Variants in PCDH9 observed in about 807,000 individuals in gnomAD.
PCDH9 encodes protocadherin-9.
In PCDH9, 24 loss-of-function variants were observed where a neutral mutation model predicts 70.6. The observed-to-expected ratio is 0.34, with a 90% CI of 0.25 to 0.48. The LOEUF is 0.48. Among genes scored for constraint, PCDH9 ranks in the 20% least tolerant of loss-of-function variants. The probability of loss-of-function intolerance (pLI) is 0.99; values close to 1 mark genes in which losing one functional copy is unlikely to be tolerated. For synonymous variants in PCDH9, 562 were observed against 558.5 expected, an observed-to-expected ratio of 1.01 and a Z score of -0.09; for missense variants, 1,281 against 1,503.6, an observed-to-expected ratio of 0.85 and a Z score of 2.45.
At chr13:67,004,433 T>C (rs2084307813) in intron 2 of PCDH9, among the ~76,000 whole-genome samples, 1 of 151,554 alleles carries the variant, frequency 6.6e-6, no homozygotes, top group Admixed American at 6.6e-5. Context: ...TAGCCAGGCA[T>C]GGTTGTGGGC....
At position 66,305,065 on chromosome 13, in the gene PCDH9, G is replaced by T. The variant is rs200879117; in HGVS notation, c.3341-37C>A. ...AAGAGAGAGAAAATAAGAAAAGGAA[G>T]TGGTTAAAATTTTCAATTAGAATTA... On this transcript the variant is annotated intron_variant, in intron 4 of 4. Transcript: ENST00000377865. The T allele has an allele frequency of 3.1e-5, 48 of 1,531,436 alleles. No individual in the cohort carries two copies. In the East Asian group the frequency reaches 1.1e-3, roughly 34 times the overall value. 94.9% of individuals were successfully genotyped at this position (1,531,436 alleles called of 1,614,324 possible).
chr13:66,690,246 C>T (rs990763461), intron 3 of PCDH9, among the ~76,000 whole-genome samples: 11 of 151,984 alleles, frequency 7.2e-5, no homozygotes, highest in African/African-American at 2.7e-4. Flanking sequence ...AGTTCATCAT[C>T]ACGATATAGC....
intron 2 of PCDH9, among the ~76,000 whole-genome samples, chr13:66,945,068 T>C (rs1236411495): frequency 6.6e-6 from 1 of 151,972 alleles, no homozygotes; most frequent in Non-Finnish European, 1.5e-5. Context: ...ACTGCAGACA[T>C]AGAAGTAGCT....
chr13:66,652,950 G>A (rs999430466), intron 3 of PCDH9, among the ~76,000 whole-genome samples: 1 of 152,084 alleles, frequency 6.6e-6, no homozygotes, highest in Admixed American at 6.5e-5. Flanking sequence ...ACATGCAGAA[G>A]AATGAAACTA....
intron 4 of PCDH9, among the ~76,000 whole-genome samples, chr13:66,578,510 G>C (rs751884008): frequency 6.6e-6 from 1 of 152,012 alleles, no homozygotes; most frequent in Non-Finnish European, 1.5e-5. Context: ...AGTGGGTGTA[G>C]TTTGACTCAT....
At chr13:66,499,521 A>G (rs117015133) in intron 4 of PCDH9, among the ~76,000 whole-genome samples, 1,551 of 152,292 alleles carry the variant, frequency 0.01, 36 homozygotes, top group East Asian at 0.091. Context: ...GATGGAGACA[A>G]TGCTGTTGGA....
At chr13:67,090,621 C>A (rs955825349) in intron 2 of PCDH9, among the ~76,000 whole-genome samples, 1 of 151,356 alleles carries the variant, frequency 6.6e-6, no homozygotes, top group African/African-American at 2.4e-5. Flanking sequence ...CAATTACCAG[C>A]TACAAGCAAA....
chr13:66,682,174 C>T (rs1315196747), intron 3 of PCDH9, among the ~76,000 whole-genome samples: 2 of 151,758 alleles, frequency 1.3e-5, no homozygotes, highest in African/African-American at 4.8e-5. Context: ...TTGTTTTTCC[C>T]CAATCATCCC....
intron 3 of PCDH9, among the ~76,000 whole-genome samples, chr13:66,721,473 T>C (rs1351357274): frequency 6.6e-6 from 1 of 152,184 alleles, no homozygotes; most frequent in Non-Finnish European, 1.5e-5. Context: ...ACGTGCAATA[T>C]GCTTTGAAAG....
intron 2 of PCDH9, among the ~76,000 whole-genome samples, chr13:67,082,217 A>C (rs2085999837): frequency 1.3e-5 from 2 of 152,138 alleles, no homozygotes; most frequent in South Asian, 4.1e-4. Flanking sequence ...CATAACTGAA[A>C]ATTTGTATCC....
chr13:66,623,160 G>T (rs1354053970), intron 4 of PCDH9, among the ~76,000 whole-genome samples: 1 of 152,242 alleles, frequency 6.6e-6, no homozygotes, highest in African/African-American at 2.4e-5. Context: ...CTTCATTCTT[G>T]AAGTCAGTCA....
chr13:67,177,466 C>T (rs951416410), intron 2 of PCDH9, among the ~76,000 whole-genome samples: 11 of 152,062 alleles, frequency 7.2e-5, no homozygotes, highest in Non-Finnish European at 1.6e-4. Context: ...ATTTATCAGC[C>T]TTTACTTTAC....
At chr13:66,428,363 A>C (rs1957710422) in intron 4 of PCDH9, among the ~76,000 whole-genome samples, 1 of 151,706 alleles carries the variant, frequency 6.6e-6, no homozygotes, top group Non-Finnish European at 1.5e-5. Flanking sequence ...CTCTGTATAA[A>C]AGATTACTAA....
At chr13:66,800,684 A>T (rs2139339061) in intron 3 of PCDH9, among the ~76,000 whole-genome samples, 1 of 152,272 alleles carries the variant, frequency 6.6e-6, no homozygotes, top group South Asian at 2.1e-4. Context: ...TTGCATACTG[A>T]TTTTGGTTGA....
At chr13:66,733,962 C>G (rs939551110) in intron 3 of PCDH9, among the ~76,000 whole-genome samples, 1 of 152,092 alleles carries the variant, frequency 6.6e-6, no homozygotes, top group Non-Finnish European at 1.5e-5. Context: ...GGCCTTTTCC[C>G]TTGGCTTTAG....
intron 4 of PCDH9, among the ~76,000 whole-genome samples, chr13:66,621,549 C>T (rs2077421635): frequency 6.6e-6 from 1 of 152,100 alleles, no homozygotes; most frequent in East Asian, 1.9e-4. Flanking sequence ...GAGGAGTCGG[C>T]GTATATGAGT....
intron 4 of PCDH9, among the ~76,000 whole-genome samples, chr13:66,497,566 T>A (rs1959136118): frequency 6.6e-6 from 1 of 152,156 alleles, no homozygotes; most frequent in Non-Finnish European, 1.5e-5. Flanking sequence ...CTTTCTCAGC[T>A]TGTCAGGTTT....
intron 2 of PCDH9, among the ~76,000 whole-genome samples, chr13:67,155,640 C>G (rs2087791207): frequency 6.6e-6 from 1 of 151,964 alleles, no homozygotes; most frequent in Admixed American, 6.6e-5. Context: ...TCTGTGTTTT[C>G]TAAGGAATTA....
At position 67,134,343 on chromosome 13, in the gene PCDH9, T is replaced by C. The variant is rs114044132; in HGVS notation, c.3036+91062A>G. On this transcript the variant is annotated intron_variant, in intron 2 of 4. Transcript: ENST00000377865. ...ACAAACTTGTAATAAGTGATATAAA[T>C]CACCCTTTATCACAGAATTAGCTGT... Among the ~76,000 whole-genome samples, 474 of 152,194 alleles carry C rather than the reference T, an allele frequency of 3.1e-3. 1 individual carries two copies. The highest frequency in any genetic ancestry group is 0.011 in the African/African-American group (453 of 41,560).
Sources: allele counts gnomAD v4.1 joint callset (sites outside exome capture counted in the v4.1 genomes callset), GRCh38; gene constraint gnomAD v4.1.1; transcripts MANE v1.5; gene names NCBI Gene and HGNC (gene_info 2026-07-23, HGNC 2026-07-21).